LRFN5: variants seen among roughly 807,000 people sequenced by gnomAD.
LRFN5 encodes the protein leucine-rich repeat and fibronectin type-III domain-containing protein 5.
Under a neutral mutation model 45.6 loss-of-function variants are expected in LRFN5, and 24 were observed. The ratio of observed to expected loss-of-function variants is 0.53; its 90% confidence interval spans 0.38 to 0.74. The LOEUF is 0.74. Ranked by LOEUF, LRFN5 falls within the 30% of genes least tolerant of loss-of-function variation. The probability of loss-of-function intolerance (pLI) is 0.00; values close to 1 mark genes in which losing one functional copy is unlikely to be tolerated. For synonymous variants in LRFN5, 340 were observed against 313.8 expected (o/e 1.08, Z -0.88); for missense variants, 776 against 861.5 (o/e 0.90, Z 1.24).
intron 2 of LRFN5, among the ~76,000 whole-genome samples, chr14:41,793,468 T>A (rs899012751): frequency 1.3e-5 from 2 of 152,092 alleles, no homozygotes; most frequent in African/African-American, 4.8e-5. Context: ...CTAGAAAACT[T>A]TTTAAATATA....
intron 2 of LRFN5, among the ~76,000 whole-genome samples, chr14:41,768,010 T>G (rs966154806): frequency 1.3e-5 from 2 of 152,100 alleles, no homozygotes; most frequent in African/African-American, 2.4e-5. Flanking sequence ...AAATTGATTG[T>G]AGGTGCACTT....
chr14:41,830,458 TG>T (rs1888440509), intron 2 of LRFN5, among the ~76,000 whole-genome samples: 1 of 152,206 alleles, frequency 6.6e-6, no homozygotes, highest in South Asian at 2.1e-4. Flanking sequence ...TCAATACTGC[TG>T]TTTGATATAT....
At chr14:41,713,282 G>C (rs1413910935) in intron 1 of LRFN5, among the ~76,000 whole-genome samples, 1 of 152,042 alleles carries the variant, frequency 6.6e-6, no homozygotes, top group Non-Finnish European at 1.5e-5. Context: ...TCTTCATAAT[G>C]TAAGGGAAAA....
chr14:41,662,525 C>T (rs954573264), intron 1 of LRFN5, among the ~76,000 whole-genome samples: 2 of 151,928 alleles, frequency 1.3e-5, no homozygotes, highest in Admixed American at 1.3e-4. Flanking sequence ...GGAGATAAAA[C>T]AAGTGCAAAC....
intron 2 of LRFN5, among the ~76,000 whole-genome samples, chr14:41,808,619 A>C (rs1433751813): frequency 6.6e-6 from 1 of 151,922 alleles, no homozygotes; most frequent in African/African-American, 2.4e-5. Context: ...GGGACCTATG[A>C]AATTAGTTTC....
chr14:41,855,907 G>C (rs1202702089), intron 2 of LRFN5, among the ~76,000 whole-genome samples: 1 of 152,074 alleles, frequency 6.6e-6, no homozygotes, highest in Non-Finnish European at 1.5e-5. Context: ...ACATATATTA[G>C]TGTATAGAGA....
At chr14:41,792,893 C>A (rs1886978857) in intron 2 of LRFN5, among the ~76,000 whole-genome samples, 1 of 149,750 alleles carries the variant, frequency 6.7e-6, no homozygotes, top group African/African-American at 2.5e-5. Context: ...AAAAGTATTA[C>A]TTGGTTTTTT....
chr14:41,770,886 A>G (rs1272091156), intron 2 of LRFN5, among the ~76,000 whole-genome samples: 1 of 151,896 alleles, frequency 6.6e-6, no homozygotes, highest in Non-Finnish European at 1.5e-5. Context: ...TTGCCCTGGT[A>G]GAGTTTCTCT....
intron 1 of LRFN5, among the ~76,000 whole-genome samples, chr14:41,650,266 C>CACACACACACACACAAAA (rs1247683262): frequency 3.7e-5 from 5 of 135,446 alleles, no homozygotes; most frequent in African/African-American, 1.4e-4. Flanking sequence ...CACACACACA[C>CACACACACACACACAAAA]AAAAAAAAAA....
intron 2 of LRFN5, among the ~76,000 whole-genome samples, chr14:41,818,183 C>T (rs1175708835): frequency 6.6e-6 from 1 of 151,916 alleles, no homozygotes; most frequent in Admixed American, 6.6e-5. Flanking sequence ...TTTTATTCTT[C>T]CCTTCCTGTT....
intron 2 of LRFN5, among the ~76,000 whole-genome samples, chr14:41,820,228 T>C (rs909024836): frequency 2.6e-5 from 4 of 151,990 alleles, no homozygotes; most frequent in African/African-American, 9.7e-5. Flanking sequence ...GGTTTTCTTC[T>C]AGAATTTTTA....
chr14:41,832,737 A>G (rs1375790903), intron 2 of LRFN5, among the ~76,000 whole-genome samples: 1 of 152,102 alleles, frequency 6.6e-6, no homozygotes, highest in Non-Finnish European at 1.5e-5. Context: ...CAGTCCCACA[A>G]TGTGTTATCA....
chr14:41,849,595 G>T (rs943616809), intron 2 of LRFN5, among the ~76,000 whole-genome samples: 1 of 151,766 alleles, frequency 6.6e-6, no homozygotes, highest in Non-Finnish European at 1.5e-5. Flanking sequence ...TGTTCCAAAT[G>T]ATTATTTAAT....
intron 2 of LRFN5, among the ~76,000 whole-genome samples, chr14:41,870,022 A>G (rs1422926034): frequency 6.6e-6 from 1 of 152,164 alleles, no homozygotes; most frequent in Non-Finnish European, 1.5e-5. Context: ...GAGGGCTTAA[A>G]ACAGTACACA....
At chr14:41,737,333 G>T (rs1224857346) in intron 1 of LRFN5, among the ~76,000 whole-genome samples, 1 of 152,022 alleles carries the variant, frequency 6.6e-6, no homozygotes, top group African/African-American at 2.4e-5. Context: ...AATAAACTAG[G>T]TACTGATGAA....
chr14:41,721,464 C>G (rs1019534002), intron 1 of LRFN5, among the ~76,000 whole-genome samples: 7 of 152,082 alleles, frequency 4.6e-5, no homozygotes, highest in Admixed American at 4.6e-4. Context: ...CTTATAGGCT[C>G]TGTGGACTAT....
At chr14:41,646,014 A>G (rs1356967053) in intron 1 of LRFN5, among the ~76,000 whole-genome samples, 1 of 152,068 alleles carries the variant, frequency 6.6e-6, no homozygotes, top group Non-Finnish European at 1.5e-5. Context: ...ATAATTGTAC[A>G]TATTTGGGGA....
chr14:41,795,637 G>T (rs1054901833), intron 2 of LRFN5, among the ~76,000 whole-genome samples: 18 of 152,026 alleles, frequency 1.2e-4, no homozygotes, highest in African/African-American at 4.3e-4. Flanking sequence ...GGACATGGAT[G>T]AAGCTGGAAA....
At chr14:41,759,515 A>G (rs1885567420) in intron 1 of LRFN5, among the ~76,000 whole-genome samples, 1 of 150,064 alleles carries the variant, frequency 6.7e-6, no homozygotes, top group Admixed American at 6.7e-5. Context: ...AGCACCAGAA[A>G]ACAGCATTTT....
Sources: gnomAD v4.1 joint callset for allele counts (sites outside exome capture counted in the v4.1 genomes callset) on GRCh38, gnomAD v4.1.1 for gene constraint, MANE v1.5 for transcripts, NCBI Gene and HGNC (gene_info 2026-07-23, HGNC 2026-07-21) for gene names.